The following DNAAF8 variants were observed in gnomAD, a reference collection of about 807,000 sequenced individuals.
DNAAF8 encodes dynein axonemal-associated protein 1.
In DNAAF8, 61 loss-of-function variants were observed where a neutral mutation model predicts 54.6. The ratio of observed to expected loss-of-function variants is 1.12; its 90% CI spans 0.91 to 1.38. The LOEUF (loss-of-function observed/expected upper bound fraction) is 1.38, where lower values mean the gene tolerates loss of function less well. Among genes scored for constraint, DNAAF8 ranks in the 40% most tolerant of loss-of-function variants. DNAAF8 has a pLI of 0.00. For missense variants in DNAAF8, 837 were observed against 665.0 expected (o/e 1.26, Z -2.85); for synonymous variants, 320 against 270.1 (o/e 1.18, Z -1.81).
In DNAAF8 at chr16:4,734,676, G is replaced by A. The variant is rs1246775175; in HGVS notation, c.-74G>A. The A allele has an allele frequency of 6.6e-6, 1 of 152,270 alleles. No homozygotes were observed. The highest frequency in any genetic ancestry group is 1.5e-5 in the Non-Finnish European group (1 of 68,090). 9.4% of individuals were successfully genotyped at this position (152,270 alleles called of 1,614,324 possible). A position where few individuals can be genotyped will look rare whatever the true frequency, so the allele number is the denominator to read the frequency against. On this transcript the variant is annotated 5_prime_UTR_variant, in exon 1 of 10. Transcript: ENST00000299320. ...TTTATAGCGCTGTCAGGACAGCGCGGGGAGTGGAGGCAGAGGCCTGAGGTG... is the reference window on the plus strand; with the variant it reads ...TTTATAGCGCTGTCAGGACAGCGCGAGGAGTGGAGGCAGAGGCCTGAGGTG...
At chr16:4,746,659 A>G in intron 7 of DNAAF8, 147 bp downstream of exon 7, 3 of 1,169,302 alleles carry the variant, frequency 2.6e-6, no homozygotes, top group Non-Finnish European at 3.5e-6. Context: ...GCTGGCCTAC[A>G]GTCCCCCTGG....
intron 4 of DNAAF8, among the ~76,000 whole-genome samples, chr16:4,741,550 A>G (rs1398714842): frequency 6.6e-6 from 1 of 152,220 alleles, no homozygotes; most frequent in Non-Finnish European, 1.5e-5. Context: ...TTGTAATCCC[A>G]GCACTTTGGG....
chr16:4,738,386 CAGTGGGG>C (rs1225987960), intron 3 of DNAAF8, among the ~76,000 whole-genome samples: 2 of 152,218 alleles, frequency 1.3e-5, no homozygotes, highest in East Asian at 1.9e-4. Flanking sequence ...CTACAGGCTA[CAGTGGGG>C]AGTGGGAGGG....
At chr16:4,745,042 G>C in intron 6 of DNAAF8, 31 bp downstream of exon 6, 1 of 1,604,570 alleles carries the variant, frequency 6.2e-7, no homozygotes. Context: ...CGGCTCCTGT[G>C]GTCCTTTAGA....
chr16:4,745,666 C>T (rs1446440931), intron 6 of DNAAF8, among the ~76,000 whole-genome samples: 2 of 152,166 alleles, frequency 1.3e-5, no homozygotes, highest in African/African-American at 4.8e-5. Context: ...AGTGGCTACA[C>T]CTGGCTGGGC....
At chr16:4,744,806 A>G in intron 5 of DNAAF8, 64 bp from the exon 6 acceptor site, 1 of 1,545,438 alleles carries the variant, frequency 6.5e-7, no homozygotes, top group Non-Finnish European at 8.8e-7. Context: ...CTGAGGCTCC[A>G]GCTGCTGTAA....
At position 4,748,956 on chromosome 16, in the gene DNAAF8, C is replaced by G. The variant is rs1156493609; in HGVS notation, c.*241C>G. The G allele has an allele frequency of 6.6e-6, 1 of 152,320 alleles. No homozygotes were observed. The highest frequency in any genetic ancestry group is 1.5e-5 in the Non-Finnish European group (1 of 68,096). The allele number at this position is 152,320 out of a possible 1,614,324, so 9.4% of individuals were successfully genotyped here. A position where few individuals can be genotyped will look rare whatever the true frequency, so the allele number is the denominator to read the frequency against. ...GGCCCTGCTTGGCCGTGGTCACTGGCCGCCAAGATCAGGGCTACAGATGTC... is the reference window on the plus strand; with the variant it reads ...GGCCCTGCTTGGCCGTGGTCACTGGGCGCCAAGATCAGGGCTACAGATGTC... On this transcript the variant is annotated 3_prime_UTR_variant, in exon 10 of 10. Coordinates refer to ENST00000299320, the MANE Select transcript of DNAAF8 (RefSeq NM_139170.3).
Position 4,737,878 on chromosome 16 carries a change from G to T in DNAAF8, c.208G>T (p.Ala70Ser), listed in dbSNP as rs1301362348. ...SLIPDLSEEL[A>S]EDPADGDKSR... ...GATTCCAGACCTGTCGGAGGAGCTG[G>T]CTGAAGATCCTGCCGATGGCGACAA... is the stretch of plus-strand genomic sequence containing the variant. The change falls in exon 3 of 10, where the codon GCT becomes TCT. Residue 70 changes from alanine to serine, a missense_variant. Coordinates refer to ENST00000299320, the MANE Select transcript of DNAAF8 (RefSeq NM_139170.3). 4.1e-5 allele frequency: 66 copies of T among 1,614,078 alleles called. No homozygotes were observed. Among genetic ancestry groups the T allele is most frequent in the Non-Finnish European group, 5.4e-5 (64 of 1,180,012 alleles).
chr16:4,742,025 T>A (rs1262877701), intron 4 of DNAAF8, among the ~76,000 whole-genome samples: 1 of 152,180 alleles, frequency 6.6e-6, no homozygotes, highest in South Asian at 2.1e-4. Context: ...TCTGCTCACC[T>A]AAAAACTTAT....
intron 8 of DNAAF8, 148 bp downstream of exon 8, chr16:4,747,173 C>A: frequency 8.3e-7 from 1 of 1,200,604 alleles, no homozygotes; most frequent in Non-Finnish European, 1.2e-6. Context: ...TTTCATCATC[C>A]TGCCCACGTC....
chr16:4,738,397 G>A (rs2081920913), intron 3 of DNAAF8, among the ~76,000 whole-genome samples: 1 of 152,226 alleles, frequency 6.6e-6, no homozygotes, highest in African/African-American at 2.4e-5. Context: ...AGTGGGGAGT[G>A]GGAGGGAGGA....
rs774061434 is a variant in DNAAF8, at chr16:4,740,665, C to A, written c.783+6C>A. On this transcript the variant is annotated splice_donor_region_variant and intron_variant, in intron 4 of 9. Coordinates refer to ENST00000299320, the MANE Select transcript of DNAAF8 (RefSeq NM_139170.3). ...CACCAGTGCTCTCGCTCCAGGTAGG[C>A]GCCTCCCCGTGCCTGGCTGTTTCTC... 1.3e-6 allele frequency: 2 copies of A among 1,578,980 alleles called. No homozygotes were observed. Among genetic ancestry groups the A allele is most frequent in the African/African-American group, 2.7e-5 (2 of 74,118 alleles).
intron 3 of DNAAF8, among the ~76,000 whole-genome samples, chr16:4,739,425 T>C (rs2081935859): frequency 6.6e-6 from 1 of 151,972 alleles, no homozygotes; most frequent in Admixed American, 6.6e-5. Context: ...ATTATCATGA[T>C]TGATAATTTA....
intron 6 of DNAAF8, among the ~76,000 whole-genome samples, chr16:4,745,878 C>T (rs2082008797): frequency 6.7e-6 from 1 of 149,526 alleles, no homozygotes; most frequent in Admixed American, 6.8e-5. Flanking sequence ...CTCTTGAACC[C>T]AGGAGGCGGA....
intron 9 of DNAAF8, 111 bp downstream of exon 9, chr16:4,747,745 G>A: frequency 7.6e-7 from 1 of 1,317,040 alleles, no homozygotes. Flanking sequence ...TCCAGAGGCA[G>A]GGACCCTCAG....
In DNAAF8 at chr16:4,747,447, C is replaced by A; in HGVS notation, c.1385C>A (p.Ala462Asp). ...PASKGPAGGR[A>D]QAPEDTAGSR... ...AGCAAGGGGCCCGCGGGTGGGAGGG[C>A]TCAGGCCCCTGAAGACACAGCTGGA... The change falls in exon 9 of 10, where the codon GCT (alanine) becomes GAT (aspartate). Residue 462 changes from alanine to aspartate, a missense_variant. Ala to Asp is a moderately radical substitution (Grantham distance 126, BLOSUM62 -2). Coordinates refer to ENST00000299320, the MANE Select transcript of DNAAF8 (RefSeq NM_139170.3). 1 of 1,613,160 alleles carries A rather than the reference C, an allele frequency of 6.2e-7. No homozygotes were observed. Among genetic ancestry groups the A allele is most frequent in the Admixed American group, 1.7e-5 (1 of 60,034 alleles).
intron 3 of DNAAF8, 152 bp from the exon 4 acceptor site, chr16:4,740,001 G>A (rs1180048819): frequency 3.2e-6 from 3 of 950,150 alleles, no homozygotes; most frequent in South Asian, 1.8e-5. Context: ...CGAGGCTGCA[G>A]TGAGCTATGA....
At chr16:4,746,733 A>T in intron 7 of DNAAF8, 194 bp from the exon 8 acceptor site, 2 of 760,034 alleles carry the variant, frequency 2.6e-6, no homozygotes, top group Non-Finnish European at 4.1e-6. Context: ...TATGCAATAG[A>T]GCCCAACACG....
At position 4,747,661 on chromosome 16, in the gene DNAAF8, G is replaced by A. The variant is rs368970244; in HGVS notation, c.*9+27G>A. On this transcript the variant is annotated intron_variant, in intron 9 of 9. Coordinates refer to ENST00000299320, the MANE Select transcript of DNAAF8 (RefSeq NM_139170.3). ...TAGTGGGATCCCAGGAGTGGGCAGG[G>A]GCGGGCTGACTTGCCATGGACCCTG... 1.9e-4 allele frequency: 297 copies of A among 1,571,064 alleles called. 1 individual carries two copies. The highest frequency in any genetic ancestry group is 1.2e-3 in the Middle Eastern group (5 of 4,248).
Sources: allele counts gnomAD v4.1 joint callset (sites outside exome capture counted in the v4.1 genomes callset), GRCh38; gene constraint gnomAD v4.1.1; transcripts MANE v1.5; gene names NCBI Gene and HGNC (gene_info 2026-07-23, HGNC 2026-07-21).